The following MKS1 variants were observed in gnomAD, a reference collection of about 807,000 sequenced individuals.
The protein encoded by MKS1 is MKS transition zone complex subunit 1, also known as tectonic-like complex member MKS1.
MKS1 carries 70 observed loss-of-function variants against 83.7 expected under a neutral mutation model. The ratio of observed to expected loss-of-function variants is 0.84; its 90% confidence interval spans 0.69 to 1.02. The LOEUF is 1.02. MKS1 is among the 50% of genes least tolerant of loss of function. The pLI, the probability that MKS1 is intolerant of heterozygous loss-of-function variation, is 0.00. For synonymous variants in MKS1, 251 were observed against 273.4 expected (o/e 0.92, Z 0.81); for missense variants, 681 against 726.9 (o/e 0.94, Z 0.73).
chr17:58,211,694 C>G (rs1385874858), intron 9 of MKS1, among the ~76,000 whole-genome samples: 1 of 151,364 alleles, frequency 6.6e-6, no homozygotes, highest in African/African-American at 2.4e-5. Context: ...TCATGAGTAG[C>G]TGGGACTACA....
At position 58,214,369 on chromosome 17, in the gene MKS1, C is replaced by CT. The variant is rs769896408; in HGVS notation, c.533dup (p.Ser179ValfsTer20). On this transcript the variant is annotated frameshift_variant, in exon 6 of 18. Transcript: ENST00000393119. LOFTEE classifies it high-confidence loss of function. ...AGGGCTCCCAGGTGACGATGCGTGA[C>CT]TTGAGGATGCCGCCCTCCCTGGGAG... 6.2e-7 allele frequency: 1 copy of CT among 1,613,454 alleles called. No individual in the cohort carries two copies. The highest frequency in any genetic ancestry group is 8.5e-7 in the Non-Finnish European group (1 of 1,180,034).
At chr17:58,208,780 G>T (rs1321050622) in intron 11 of MKS1, among the ~76,000 whole-genome samples, 197 bp from the exon 12 acceptor site, 1 of 151,898 alleles carries the variant, frequency 6.6e-6, no homozygotes, top group East Asian at 1.9e-4. Flanking sequence ...GTGAACAAAG[G>T]TCTCTGGTTC....
In MKS1 at chr17:58,206,453, C is replaced by T. The variant is rs1368901556; in HGVS notation, c.1490+12G>A. 6.2e-7 allele frequency: 1 copy of T among 1,614,026 alleles called. No homozygotes were observed. Among genetic ancestry groups the T allele is most frequent in the South Asian group, 1.1e-5 (1 of 91,086 alleles). ...GCTAAGGTGCCCTGAGGCAGAGGGC[C>T]AAGTCACTCACCTGGACTGCTGCAG... On this transcript the variant is annotated intron_variant, in intron 16 of 17. Transcript: ENST00000393119.
Position 58,210,708 on chromosome 17 carries a change from A to G in MKS1, c.975T>C (p.Tyr325=). 1 of 1,614,194 alleles carries G rather than the reference A, an allele frequency of 6.2e-7. No homozygotes were observed. The highest frequency in any genetic ancestry group is 8.5e-7 in the Non-Finnish European group (1 of 1,180,006). The change falls in exon 11 of 18, where the codon TAT becomes TAC. Residue 325 remains tyrosine (Y), a synonymous_variant. Transcript: ENST00000393119. ...VNGEVVSAQG[Y]EYDNLYVHFF... Reference sequence around the variant, plus strand: ...AGTGGACGTAGAGATTGTCATACTCATAGCCTTGGGCTGAAACTACGAGAG... The same window carrying G: ...AGTGGACGTAGAGATTGTCATACTCGTAGCCTTGGGCTGAAACTACGAGAG...
Position 58,213,077 on chromosome 17 carries a change from C to A in MKS1, c.763G>T (p.Gly255Trp), listed in dbSNP as rs201237547. 4.2e-5 allele frequency: 68 copies of A among 1,614,184 alleles called. No individual in the cohort carries two copies. Among genetic ancestry groups the A allele is most frequent in the South Asian group, 2.6e-4 (24 of 91,086 alleles). The change falls in exon 8 of 18, where the codon GGG (glycine) becomes TGG (tryptophan). Residue 255 changes from glycine to tryptophan, a missense_variant. By Grantham distance (184) the Gly-to-Trp change is radical (BLOSUM62 -2). Coordinates refer to ENST00000393119, the MANE Select transcript of MKS1 (RefSeq NM_017777.4). ...TATTTCCACAGCTCCTGCTTCTCCC[C>A]CTCCGTCTCAATCCTGTAAGGTCAA... is the stretch of plus-strand genomic sequence containing the variant. The part of the protein sequence containing the change: ...LKGPYRIETE[G>W]EKQELWKYTI...
chr17:58,209,105 TC>T lies in MKS1; in HGVS notation c.1025-523del, dbSNP rs1968716281. 1.3e-5 allele frequency among the ~76,000 whole-genome samples: 2 copies of T among 152,232 alleles called. No individual in the cohort carries two copies. The highest frequency in any genetic ancestry group is 2.1e-4 in the South Asian group (1 of 4,804). On this transcript the variant is annotated intron_variant, in intron 11 of 17. Coordinates refer to ENST00000393119, the MANE Select transcript of MKS1 (RefSeq NM_017777.4). This position sits in a 1 kb window ranked among gnomAD's most constrained non-coding sequence, Gnocchi z 4.1. ...GTAACAATCTGATCTCTCTTTCTTT[TC>T]CCCACATTTCCCCCTTTTCTTTTTG...
At position 58,216,252 on chromosome 17, in the gene MKS1, A is replaced by G; in HGVS notation, c.262-9T>C. The G allele has an allele frequency of 6.2e-7, 1 of 1,611,112 alleles. No individual in the cohort carries two copies. The highest frequency in any genetic ancestry group is 1.1e-5 in the South Asian group (1 of 91,086). ...TACAGATCTACTTCAAACTGAGGTT[A>G]CCATAAGGAAACAGAGATGTGTACA... On this transcript the variant is annotated splice_polypyrimidine_tract_variant and intron_variant, in intron 3 of 17. Transcript: ENST00000393119.
At chr17:58,214,476 T>C (rs1969074836) in intron 5 of MKS1, 89 bp from the exon 6 acceptor site, 1 of 1,589,036 alleles carries the variant, frequency 6.3e-7, no homozygotes, top group Non-Finnish European at 8.6e-7. Context: ...AAGTTTGAGC[T>C]AGTGGACATA....
At chr17:58,215,868 A>G (rs1597998674) in intron 4 of MKS1, 8 of 578,498 alleles carry the variant, frequency 1.4e-5, no homozygotes, top group Non-Finnish European at 2.5e-5. Context: ...CAGCTCCCCC[A>G]GGCCCTCTAG....
chr17:58,217,012 TGGA>T (rs1969259625), intron 2 of MKS1, among the ~76,000 whole-genome samples: 1 of 152,174 alleles, frequency 6.6e-6, no homozygotes, highest in Non-Finnish European at 1.5e-5. Context: ...CTGGGGGGGA[TGGA>T]GTCTCACTCT....
intron 2 of MKS1, among the ~76,000 whole-genome samples, chr17:58,218,215 A>G (rs892071791): frequency 1.8e-4 from 28 of 152,024 alleles, no homozygotes; most frequent in Non-Finnish European, 3.2e-4. Context: ...TTGGGAGGCC[A>G]AGGCGGGCGG....
intron 13 of MKS1, 33 bp downstream of exon 13, chr17:58,208,072 C>T: frequency 6.2e-7 from 1 of 1,609,452 alleles, no homozygotes; most frequent in Non-Finnish European, 8.5e-7. Context: ...TTGAGGGGAA[C>T]CAAGGCCCAG....
Position 58,213,782 on chromosome 17 carries a change from G to GC in MKS1, c.731dup (p.Leu245ProfsTer8). The GC allele has an allele frequency of 6.2e-7, 1 of 1,613,552 alleles. No individual in the cohort carries two copies. On this transcript the variant is annotated frameshift_variant, in exon 7 of 18. Transcript: ENST00000393119. LOFTEE classifies it high-confidence loss of function. ...CTCCTCACCTGTAGGGTCCTTTGAG[G>GC]CCCGTGAAGTCAGGCTTTACTGTGA...
chr17:58,214,877 A>G, intron 4 of MKS1, 39 bp from the exon 5 acceptor site: 1 of 1,574,960 alleles, frequency 6.3e-7, no homozygotes, highest in Non-Finnish European at 8.6e-7. Flanking sequence ...CCATCTGGTC[A>G]GGGCCACATG....
In MKS1 at chr17:58,206,103, G is replaced by T; in HGVS notation, c.1656C>A (p.Ser552Arg). Residue 552 changes from serine (S) to arginine (R), a missense_variant, in exon 18 of 18, where the codon AGC (serine) becomes AGA (arginine). This residue lies in a region of MKS1 where 310 missense variants were observed against 321.7 expected (regional missense o/e 0.96). Coordinates refer to ENST00000393119, the MANE Select transcript of MKS1 (RefSeq NM_017777.4). ...GCTAGGAGACCAGGGTTCCAGAGGG[G>T]CTCACTAGGTCCTGCGGGAGGCTTT... ...ARESLPQDLV[S>R]PSGTLVS The T allele has an allele frequency of 6.2e-7, 1 of 1,612,818 alleles. No homozygotes were observed.
At chr17:58,218,292 C>T (rs567266306) in intron 2 of MKS1, among the ~76,000 whole-genome samples, 16 of 151,514 alleles carry the variant, frequency 1.1e-4, no homozygotes. Context: ...ACTGAAAATA[C>T]AAAAAATTAG....
At chr17:58,208,385 C>T (rs1968662740) in intron 12 of MKS1, 128 bp downstream of exon 12, 2 of 1,162,446 alleles carry the variant, frequency 1.7e-6, no homozygotes, top group East Asian at 2.5e-5. Flanking sequence ...CCCTGTAGAA[C>T]CCACACACAA....
chr17:58,206,562 T>C lies in MKS1; in HGVS notation c.1408-15A>G, dbSNP rs762989365. 29 of 1,605,252 alleles carry C rather than the reference T, an allele frequency of 1.8e-5. No individual in the cohort carries two copies. The highest frequency in any genetic ancestry group is 2.7e-5 in the African/African-American group (2 of 74,852). On this transcript the variant is annotated splice_polypyrimidine_tract_variant and intron_variant, in intron 15 of 17. Coordinates refer to ENST00000393119, the MANE Select transcript of MKS1 (RefSeq NM_017777.4). Reference sequence around the variant, plus strand: ...AGGCGTTCCCCCTGTGGCATGCCATTGGGACAGCCTCAGGTTTCTGCTCTC... The same window carrying C: ...AGGCGTTCCCCCTGTGGCATGCCATCGGGACAGCCTCAGGTTTCTGCTCTC...
rs1297143898 is a variant in MKS1, at chr17:58,209,414, A to G, written c.1025-831T>C. On this transcript the variant is annotated intron_variant, in intron 11 of 17. Transcript: ENST00000393119. This position sits in a 1 kb window ranked among gnomAD's most constrained non-coding sequence, Gnocchi z 4.1. ...TCTGGGGGAAGCAGGGAGACAGACAAAAACCAAACCAACAAGAGACTATTG... is the reference window on the plus strand; with the variant it reads ...TCTGGGGGAAGCAGGGAGACAGACAGAAACCAAACCAACAAGAGACTATTG... Among the ~76,000 whole-genome samples, 1 of 152,196 alleles carries G rather than the reference A, an allele frequency of 6.6e-6. No homozygotes were observed. Among genetic ancestry groups the G allele is most frequent in the East Asian group, 1.9e-4 (1 of 5,192 alleles).
Sources: allele counts gnomAD v4.1 joint callset (sites outside exome capture counted in the v4.1 genomes callset), GRCh38; gene constraint gnomAD v4.1.1; regional missense constraint gnomAD v4.1.1; non-coding constraint Gnocchi (gnomAD v3.1); transcripts MANE v1.5; gene names NCBI Gene and HGNC (gene_info 2026-07-23, HGNC 2026-07-21).